TSPAN18: variants seen among roughly 807,000 people sequenced by gnomAD.
TSPAN18 encodes tetraspanin 18, also known as tetraspanin-18.
In TSPAN18, 14 loss-of-function variants were observed where a neutral mutation model predicts 27.3. The observed-to-expected ratio is 0.51, with a 90% CI of 0.34 to 0.80. TSPAN18 has a LOEUF of 0.80. TSPAN18 is among the 30% of genes least tolerant of loss of function. The probability of loss-of-function intolerance (pLI) is 0.01; values close to 1 mark genes in which losing one functional copy is unlikely to be tolerated. For missense variants in TSPAN18, 268 were observed against 323.9 expected, an observed-to-expected ratio of 0.83 and a Z score of 1.32; for synonymous variants, 143 against 136.5, an observed-to-expected ratio of 1.05 and a Z score of -0.33.
intron 2 of TSPAN18, among the ~76,000 whole-genome samples, chr11:44,772,628 A>C (rs1855713546): frequency 2.0e-5 from 3 of 151,950 alleles, no homozygotes; most frequent in Admixed American, 2.0e-4. Flanking sequence ...CTGTATTGGG[A>C]GTTTCTGTAT....
intron 2 of TSPAN18, among the ~76,000 whole-genome samples, chr11:44,809,992 A>G (rs1856679305): frequency 6.6e-6 from 1 of 152,240 alleles, no homozygotes. Context: ...CATAGGTCAT[A>G]GGGTTAGGAA....
chr11:44,785,978 C>T (rs1316623518), intron 2 of TSPAN18, among the ~76,000 whole-genome samples: 1 of 152,236 alleles, frequency 6.6e-6, no homozygotes, highest in Admixed American at 6.5e-5. Context: ...ATACGGCAGT[C>T]GTGCCTACCT....
At chr11:44,925,103 A>G (rs971737480) in intron 8 of TSPAN18, among the ~76,000 whole-genome samples, 2 of 152,200 alleles carry the variant, frequency 1.3e-5, no homozygotes, top group Non-Finnish European at 2.9e-5. Flanking sequence ...CTGGGCTCCC[A>G]GTGCCACAGC....
intron 2 of TSPAN18, among the ~76,000 whole-genome samples, chr11:44,779,550 T>C (rs1416799911): frequency 6.6e-6 from 1 of 151,898 alleles, no homozygotes; most frequent in Non-Finnish European, 1.5e-5. Flanking sequence ...GAAAATGGAG[T>C]ATACCACCAT....
rs761389578 is a variant in TSPAN18, at chr11:44,930,953, G to A, written c.*1775G>A. ...GCTTTCCAGTCACCAGGGACACTCG[G>A]AGCCACAGCCTAGAGCCCCGTGTTC... On this transcript the variant is annotated 3_prime_UTR_variant, in exon 10 of 10. Transcript: ENST00000520358. 5.9e-6 allele frequency: 3 copies of A among 508,544 alleles called. No individual in the cohort carries two copies. Among genetic ancestry groups the A allele is most frequent in the South Asian group, 4.4e-5 (3 of 67,592 alleles). 31.5% of individuals were successfully genotyped at this position (508,544 alleles called of 1,614,324 possible). A position where few individuals can be genotyped will look rare whatever the true frequency, so the allele number is the denominator to read the frequency against.
At chr11:44,764,614 A>G (rs920006896) in intron 2 of TSPAN18, 102 bp downstream of exon 2, 1 of 152,262 alleles carries the variant, frequency 6.6e-6, no homozygotes, top group South Asian at 2.1e-4. Context: ...CACCACTTCC[A>G]TGTGAGAGGG....
At chr11:44,837,397 T>C (rs921500670) in intron 2 of TSPAN18, among the ~76,000 whole-genome samples, 1 of 152,194 alleles carries the variant, frequency 6.6e-6, no homozygotes, top group African/African-American at 2.4e-5. Context: ...GATAAAGCCT[T>C]AGTGGATGAG....
intron 1 of TSPAN18, among the ~76,000 whole-genome samples, chr11:44,739,580 C>G (rs369963395): frequency 6.6e-6 from 1 of 152,188 alleles, no homozygotes; most frequent in Non-Finnish European, 1.5e-5. Flanking sequence ...GCTGAAATTA[C>G]GCCAATGCAT....
chr11:44,759,856 C>A lies in TSPAN18; in HGVS notation c.-239-4570C>A, dbSNP rs1028802743. 2.6e-5 allele frequency among the ~76,000 whole-genome samples: 4 copies of A among 152,314 alleles called. No individual in the cohort carries two copies. The East Asian group carries it at 5.8e-4, about 22-fold the overall frequency. ...AGCAAAAAATATACTATTACCTATA[C>A]ACACAATTTGTGATGTGAGCCCGGA... On this transcript the variant is annotated intron_variant, in intron 1 of 9. Coordinates refer to ENST00000520358, the MANE Select transcript of TSPAN18 (RefSeq NM_130783.5).
At chr11:44,901,053 T>G (rs1463107641) in intron 3 of TSPAN18, among the ~76,000 whole-genome samples, 2 of 152,194 alleles carry the variant, frequency 1.3e-5, no homozygotes, top group Non-Finnish European at 2.9e-5. Flanking sequence ...GTATGCAGTT[T>G]AGTAACTTGC....
chr11:44,800,006 G>GT (rs60067559), intron 2 of TSPAN18, among the ~76,000 whole-genome samples: 12,677 of 108,918 alleles, frequency 0.12, 685 homozygotes, highest in Non-Finnish European at 0.16. Context: ...AATTTTTTGT[G>GT]TTTTTTTTTT....
At chr11:44,729,852 T>C (rs1219825406) in intron 1 of TSPAN18, among the ~76,000 whole-genome samples, 1 of 151,992 alleles carries the variant, frequency 6.6e-6, no homozygotes, top group African/African-American at 2.4e-5. Flanking sequence ...AATTCAAGGA[T>C]GTGTGGGAGG....
chr11:44,744,289 C>T (rs1855020078), intron 1 of TSPAN18, among the ~76,000 whole-genome samples: 1 of 152,226 alleles, frequency 6.6e-6, no homozygotes, highest in Admixed American at 6.5e-5. Context: ...CAGAGATCAA[C>T]AGGGGAACAT....
At chr11:44,740,096 A>G (rs1344012882) in intron 1 of TSPAN18, among the ~76,000 whole-genome samples, 6 of 152,144 alleles carry the variant, frequency 3.9e-5, no homozygotes, top group African/African-American at 1.4e-4. Flanking sequence ...TCAGTGGCTT[A>G]TTCTCTTTGT....
intron 1 of TSPAN18, among the ~76,000 whole-genome samples, chr11:44,735,528 A>G (rs1854770621): frequency 6.6e-6 from 1 of 151,634 alleles, no homozygotes; most frequent in African/African-American, 2.4e-5. Context: ...GCCTCCCTCC[A>G]TCATCACATG....
chr11:44,747,539 A>G (rs1855108714), intron 1 of TSPAN18, among the ~76,000 whole-genome samples: 2 of 152,194 alleles, frequency 1.3e-5, no homozygotes. Context: ...GACGGTTGCC[A>G]TTACGACTGG....
chr11:44,727,571 GGTGGAGGA>G (rs1364842426), intron 1 of TSPAN18, among the ~76,000 whole-genome samples: 29 of 152,060 alleles, frequency 1.9e-4, no homozygotes, highest in Non-Finnish European at 3.1e-4. Context: ...CAGTGCTCCG[GGTGGAGGA>G]GTGGGGGCTT....
chr11:44,774,812 G>A (rs1270684168), intron 2 of TSPAN18, among the ~76,000 whole-genome samples: 3 of 152,228 alleles, frequency 2.0e-5, no homozygotes, highest in Non-Finnish European at 2.9e-5. Context: ...GGTTGTGTGT[G>A]TGTGGCTGTT....
At chr11:44,906,219 T>C (rs1859446237) in intron 3 of TSPAN18, among the ~76,000 whole-genome samples, 188 bp from the exon 4 acceptor site, 1 of 152,194 alleles carries the variant, frequency 6.6e-6, no homozygotes, top group Non-Finnish European at 1.5e-5. Flanking sequence ...ACATAGCGAA[T>C]GAAAGCTAGA....
Sources: gnomAD v4.1 joint callset for allele counts (sites outside exome capture counted in the v4.1 genomes callset) on GRCh38, gnomAD v4.1.1 for gene constraint, MANE v1.5 for transcripts, NCBI Gene and HGNC (gene_info 2026-07-23, HGNC 2026-07-21) for gene names.